The following WAC variants were observed in gnomAD, a reference collection of about 807,000 sequenced individuals.
The protein encoded by WAC is WW domain containing adaptor with coiled-coil, also known as WW domain-containing adapter protein with coiled-coil.
Under a neutral mutation model 79.6 loss-of-function variants are expected in WAC, and 11 were observed. That is an observed-to-expected ratio of 0.14 (90% CI 0.09 to 0.23). WAC has a LOEUF of 0.23. Ranked by LOEUF, WAC falls within the 10% of genes least tolerant of loss-of-function variation. The probability of loss-of-function intolerance (pLI) is 1.00; values close to 1 mark genes in which losing one functional copy is unlikely to be tolerated. For missense variants in WAC, 728 were observed against 773.5 expected (o/e 0.94, Z 0.70); for synonymous variants, 304 against 276.9 (o/e 1.10, Z -0.97).
At chr10:28,555,257 C>A (rs777983118) in intron 3 of WAC, among the ~76,000 whole-genome samples, 1 of 152,166 alleles carries the variant, frequency 6.6e-6, no homozygotes, top group South Asian at 2.1e-4. Flanking sequence ...AGGCCCTACA[C>A]GTTGTTAACT....
chr10:28,613,507 GA>G (rs902299019), intron 10 of WAC, among the ~76,000 whole-genome samples: 43 of 149,550 alleles, frequency 2.9e-4, no homozygotes, highest in African/African-American at 9.8e-4. Flanking sequence ...ACCCTGTCTG[GA>G]AAAAAAAAAT....
intron 6 of WAC, among the ~76,000 whole-genome samples, chr10:28,593,352 T>C (rs542827629): frequency 6.6e-6 from 1 of 152,308 alleles, no homozygotes; most frequent in East Asian, 1.9e-4. Context: ...AAAAGAACTT[T>C]AGGGGATGGC....
chr10:28,553,976 C>T (rs1175302159), intron 3 of WAC, among the ~76,000 whole-genome samples: 2 of 152,134 alleles, frequency 1.3e-5, no homozygotes, highest in African/African-American at 4.8e-5. Flanking sequence ...TCAGGTGATT[C>T]TCCTGCCTGT....
At chr10:28,554,070 G>A (rs1837851077) in intron 3 of WAC, among the ~76,000 whole-genome samples, 1 of 152,146 alleles carries the variant, frequency 6.6e-6, no homozygotes, top group Admixed American at 6.5e-5. Flanking sequence ...GTTTCGCCAT[G>A]TTGGTCAGGC....
chr10:28,556,810 A>G (rs944475397), intron 3 of WAC, among the ~76,000 whole-genome samples: 1 of 152,104 alleles, frequency 6.6e-6, no homozygotes, highest in Admixed American at 6.5e-5. Flanking sequence ...ACATTTTTTG[A>G]AGAGGCTTTC....
chr10:28,542,415 TAGG>T (rs1223941719), intron 3 of WAC, among the ~76,000 whole-genome samples: 1 of 152,206 alleles, frequency 6.6e-6, no homozygotes, highest in Non-Finnish European at 1.5e-5. Flanking sequence ...AAAATGGAGT[TAGG>T]AGCACAGTAA....
chr10:28,544,726 A>C (rs1240670889), intron 3 of WAC, among the ~76,000 whole-genome samples: 1 of 152,090 alleles, frequency 6.6e-6, no homozygotes, highest in Non-Finnish European at 1.5e-5. Context: ...CATTTCCAGG[A>C]CTTTGTGGTT....
At chr10:28,611,377 A>G in intron 9 of WAC, 8 of 1,298,038 alleles carry the variant, frequency 6.2e-6, no homozygotes, top group Non-Finnish European at 8.0e-6. Context: ...GAATGGAAGT[A>G]TAATGGTGCA....
intron 3 of WAC, among the ~76,000 whole-genome samples, chr10:28,543,114 C>T (rs1298545952): frequency 6.6e-6 from 1 of 152,144 alleles, no homozygotes; most frequent in Admixed American, 6.5e-5. Context: ...GTATACTAAG[C>T]ACCTGGAGAT....
intron 3 of WAC, among the ~76,000 whole-genome samples, chr10:28,552,751 GA>G (rs57780410): frequency 6.0e-5 from 9 of 150,216 alleles, no homozygotes; most frequent in African/African-American, 2.0e-4. Flanking sequence ...ATTAAAATGA[GA>G]AAAAAAGAGT....
chr10:28,606,866 A>G (rs894635662), intron 7 of WAC, among the ~76,000 whole-genome samples: 1 of 152,174 alleles, frequency 6.6e-6, no homozygotes, highest in Admixed American at 6.5e-5. Context: ...ATTACTTTCC[A>G]GTGTGGTTAT....
At chr10:28,611,188 T>G in intron 9 of WAC, 1 of 1,097,574 alleles carries the variant, frequency 9.1e-7, no homozygotes, top group East Asian at 5.7e-5. Context: ...TGAAGTTTGG[T>G]TCAGATTGAC....
intron 3 of WAC, among the ~76,000 whole-genome samples, chr10:28,543,122 G>A (rs1429333492): frequency 6.6e-6 from 1 of 152,182 alleles, no homozygotes; most frequent in Non-Finnish European, 1.5e-5. Flanking sequence ...AGCACCTGGA[G>A]ATACTATAGT....
intron 12 of WAC, among the ~76,000 whole-genome samples, chr10:28,617,248 G>T (rs966178754): frequency 6.6e-6 from 1 of 152,166 alleles, no homozygotes; most frequent in Non-Finnish European, 1.5e-5. Context: ...TGGGGTGTTC[G>T]AAAGTTTACA....
rs998303662 is a variant in WAC, at chr10:28,534,076, AG to A, written c.78+47del. ...GGGTGGAGGGATTGGAAGGGGCCGG[AG>A]GGGGAAGGGAGGGACTGCTACTCGA... On this transcript the variant is annotated intron_variant, in intron 2 of 13. Coordinates refer to ENST00000354911, the MANE Select transcript of WAC (RefSeq NM_016628.5). 9.7e-6 allele frequency: 15 copies of A among 1,546,064 alleles called. No homozygotes were observed. The African/African-American group carries it at 2.2e-4, about 22-fold the overall frequency.
chr10:28,578,254 C>T, intron 3 of WAC, among the ~76,000 whole-genome samples: 1 of 152,152 alleles, frequency 6.6e-6, no homozygotes, highest in Non-Finnish European at 1.5e-5. Flanking sequence ...ACTAAAGATT[C>T]AGATCCACTA....
chr10:28,612,807 TATC>T (rs1235438378), intron 10 of WAC, among the ~76,000 whole-genome samples: 2 of 152,202 alleles, frequency 1.3e-5, no homozygotes, highest in Non-Finnish European at 2.9e-5. Flanking sequence ...TGCAGTTCCT[TATC>T]ATTTGCCAGT....
At chr10:28,550,368 CTT>C in intron 3 of WAC, among the ~76,000 whole-genome samples, 1 of 144,362 alleles carries the variant, frequency 6.9e-6, no homozygotes, top group Admixed American at 6.9e-5. Context: ...CCTACCTCAC[CTT>C]TTTTTTTTTT....
chr10:28,575,310 C>G (rs1299922755), intron 3 of WAC, among the ~76,000 whole-genome samples: 1 of 152,164 alleles, frequency 6.6e-6, no homozygotes, highest in African/African-American at 2.4e-5. Context: ...CTTTACGTCC[C>G]CGAGTACCCA....
Sources: gnomAD v4.1 joint callset for allele counts (sites outside exome capture counted in the v4.1 genomes callset) on GRCh38, gnomAD v4.1.1 for gene constraint, MANE v1.5 for transcripts, NCBI Gene and HGNC (gene_info 2026-07-23, HGNC 2026-07-21) for gene names.